Variants in GEMIN6 observed in about 807,000 individuals in gnomAD.
GEMIN6 encodes the protein gem nuclear organelle associated protein 6, also known as gem-associated protein 6.
GEMIN6 carries 13 observed loss-of-function variants against 14.1 expected under a neutral mutation model. The observed-to-expected ratio is 0.92, with a 90% CI of 0.60 to 1.46. The LOEUF is 1.46. Ranked by LOEUF, GEMIN6 falls within the 40% of genes most tolerant of loss-of-function variation. The pLI is 0.00. For missense variants in GEMIN6, 271 were observed against 202.4 expected (o/e 1.34, Z -2.06); for synonymous variants, 87 against 70.0 (o/e 1.24, Z -1.21).
At chr2:38,780,298 T>C (rs13019000) in intron 2 of GEMIN6, among the ~76,000 whole-genome samples, 138,941 of 149,924 alleles carry the variant, frequency 0.93, 65,274 homozygotes, top group East Asian at 1. Context: ...CTAGCCTGGA[T>C]GACAGAGCAA....
At chr2:38,779,656 A>ATTTTTTTTTTT (rs1300414840) in intron 2 of GEMIN6, among the ~76,000 whole-genome samples, 1 of 26,912 alleles carries the variant, frequency 3.7e-5, no homozygotes, top group Non-Finnish European at 9.4e-5. Flanking sequence ...ATATATATAT[A>ATTTTTTTTTTT]TATATATATT....
In GEMIN6 at chr2:38,781,944, C is replaced by T. The variant is rs762361715; in HGVS notation, c.*52C>T. The T allele has an allele frequency of 1.7e-5, 25 of 1,484,286 alleles. No individual in the cohort carries two copies. Among genetic ancestry groups the T allele is most frequent in the East Asian group, 4.5e-5 (2 of 44,018 alleles). 91.9% of individuals were successfully genotyped at this position (1,484,286 alleles called of 1,614,324 possible). A position where few individuals can be genotyped will look rare whatever the true frequency, so the allele number is the denominator to read the frequency against. ...TAGAAAAAGACTATATTTTATCCCTCATAAAATGTTTTAAATGTAAATGTA... is the reference window on the plus strand; with the variant it reads ...TAGAAAAAGACTATATTTTATCCCTTATAAAATGTTTTAAATGTAAATGTA... On this transcript the variant is annotated 3_prime_UTR_variant, in exon 3 of 3. Transcript: ENST00000281950.
In GEMIN6 at chr2:38,782,268, C is replaced by G. The variant is rs751116170; in HGVS notation, c.*376C>G. On this transcript the variant is annotated 3_prime_UTR_variant, in exon 3 of 3. Coordinates refer to ENST00000281950, the MANE Select transcript of GEMIN6 (RefSeq NM_024775.10). ...AACCGATTCCCCTGCCTCAGCCTCT[C>G]GAGTAGCTGGGACTACAGGTGCACG... The G allele has an allele frequency of 2.6e-4, 44 of 166,126 alleles. No individual in the cohort carries two copies. Among genetic ancestry groups the G allele is most frequent in the Non-Finnish European group, 4.7e-4 (36 of 77,412 alleles). The allele number at this position is 166,126 out of a possible 1,614,324, so 10.3% of individuals were successfully genotyped here.
intron 1 of GEMIN6, 84 bp from the exon 2 acceptor site, chr2:38,778,888 C>T (rs1669010745): frequency 1.7e-6 from 2 of 1,194,686 alleles, no homozygotes; most frequent in Non-Finnish European, 2.3e-6. Context: ...CAGATGTTCT[C>T]TGTCTCTAGG....
At chr2:38,779,230 A>G (rs746673395) in intron 2 of GEMIN6, 112 bp downstream of exon 2, 8 of 1,194,264 alleles carry the variant, frequency 6.7e-6, no homozygotes, top group Non-Finnish European at 4.7e-6. Flanking sequence ...ATATTTTCAT[A>G]TAAGAATTTT....
intron 2 of GEMIN6, among the ~76,000 whole-genome samples, chr2:38,780,349 T>TTAAA (rs1669052404): frequency 1.3e-5 from 2 of 151,738 alleles, no homozygotes; most frequent in Non-Finnish European, 2.9e-5. Context: ...GATAAGGACT[T>TTAAA]TAAATAAATG....
intron 2 of GEMIN6, chr2:38,779,461 T>G (rs3112201): frequency 0.95 from 263,222 of 276,282 alleles, 126,879 homozygotes; most frequent in East Asian, 1. Context: ...AAACTCCTGA[T>G]CTCCAAGGAT....
intron 2 of GEMIN6, among the ~76,000 whole-genome samples, chr2:38,779,636 C>CTATATATATATATATATATATATATATA (rs1171290307): frequency 8.3e-5 from 3 of 36,074 alleles, no homozygotes; most frequent in African/African-American, 2.1e-4. Flanking sequence ...ATTATTCTTA[C>CTATATATATATATATATATATATATATA]TATATATATA....
intron 2 of GEMIN6, among the ~76,000 whole-genome samples, chr2:38,779,664 ATTTTTTTTTTTT>A (rs1166903482): frequency 6.7e-4 from 14 of 20,776 alleles, no homozygotes; most frequent in African/African-American, 2.4e-3. Context: ...ATATATATAT[ATTTTTTTTTTTT>A]TTTTTTTTTT....
rs778152904 is a variant in GEMIN6 at position 38,781,719 on chromosome 2, G to C, written c.331G>C (p.Glu111Gln). The C allele has an allele frequency of 1.9e-6, 3 of 1,614,194 alleles. No individual in the cohort carries two copies. The highest frequency in any genetic ancestry group is 1.7e-5 in the Admixed American group (1 of 60,002). ...ERKNSLKKWL[E>Q]KNHIPITEQG... is the part of the protein sequence containing the mutation. Reference sequence around the variant, plus strand: ...AAAGAACAGCCTAAAGAAATGGCTTGAGAAGAACCACATCCCCATCACTGA... The same window carrying C: ...AAAGAACAGCCTAAAGAAATGGCTTCAGAAGAACCACATCCCCATCACTGA... The change falls in exon 3 of 3, where the codon GAG becomes CAG. Residue 111 changes from glutamate to glutamine, a missense_variant. Glu to Gln is a conservative substitution (Grantham distance 29, BLOSUM62 2). Transcript: ENST00000281950.
Position 38,782,511 on chromosome 2 carries a change from C to G in GEMIN6, c.*619C>G, listed in dbSNP as rs985478156. Reference sequence around the variant, plus strand: ...ATGTGTCTGTTTTTAAAAGATGTGTCTTGGTGGGGCGCGGTGGCTCACGCC... The same window carrying G: ...ATGTGTCTGTTTTTAAAAGATGTGTGTTGGTGGGGCGCGGTGGCTCACGCC... On this transcript the variant is annotated 3_prime_UTR_variant, in exon 3 of 3. Transcript: ENST00000281950. The G allele has an allele frequency of 3.9e-5, 6 of 152,028 alleles. No homozygotes were observed. Among genetic ancestry groups the G allele is most frequent in the Admixed American group, 3.9e-4 (6 of 15,226 alleles). 9.4% of individuals were successfully genotyped at this position (152,028 alleles called of 1,614,324 possible).
intron 2 of GEMIN6, among the ~76,000 whole-genome samples, chr2:38,781,078 C>G (rs1669074728): frequency 6.6e-6 from 1 of 151,350 alleles, no homozygotes; most frequent in Non-Finnish European, 1.5e-5. Context: ...AAGCAATTCT[C>G]TGCCTCTGCC....
intron 1 of GEMIN6, 107 bp from the exon 2 acceptor site, chr2:38,778,865 T>C (rs1333809841): frequency 5.4e-6 from 5 of 924,068 alleles, no homozygotes; most frequent in Non-Finnish European, 8.1e-6. Context: ...TATTACGAAC[T>C]TGAGGCAAAT....
chr2:38,779,356 G>C (rs768914079), intron 2 of GEMIN6: 2 of 417,162 alleles, frequency 4.8e-6, no homozygotes, highest in African/African-American at 2.1e-5. Context: ...TTAGCCTCCC[G>C]AGTAGCTGGG....
Position 38,782,143 on chromosome 2 carries a change from T to G in GEMIN6, c.*251T>G. The G allele has an allele frequency of 2.7e-6, 1 of 369,406 alleles. No homozygotes were observed. Among genetic ancestry groups the G allele is most frequent in the Admixed American group, 4.4e-5 (1 of 22,954 alleles). The allele number at this position is 369,406 out of a possible 1,614,324, so 22.9% of individuals were successfully genotyped here. On this transcript the variant is annotated 3_prime_UTR_variant, in exon 3 of 3. Coordinates refer to ENST00000281950, the MANE Select transcript of GEMIN6 (RefSeq NM_024775.10). ...TCAGAATTGTATGGGTCTTCTTTTT[T>G]CTTTTTTTCTTTTTTTTTTGAGATG...
At chr2:38,780,962 C>G (rs1415078156) in intron 2 of GEMIN6, among the ~76,000 whole-genome samples, 2 of 136,842 alleles carry the variant, frequency 1.5e-5, no homozygotes, top group African/African-American at 5.3e-5. Flanking sequence ...AAAGTTAAGT[C>G]TACCCTGCCT....
At position 38,780,148 on chromosome 2, in the gene GEMIN6, C is replaced by A. The variant is rs1669046288; in HGVS notation, c.128+1030C>A. Reference sequence around the variant, plus strand: ...CCTGGCTAACATGGTGAAACCCCGTCTCTACTGAAAATACAAAAAAAATTA... The same window carrying A: ...CCTGGCTAACATGGTGAAACCCCGTATCTACTGAAAATACAAAAAAAATTA... On this transcript the variant is annotated intron_variant, in intron 2 of 2. Transcript: ENST00000281950. 1.3e-5 allele frequency among the ~76,000 whole-genome samples: 2 copies of A among 151,062 alleles called. 1 individual carries two copies. The highest frequency in any genetic ancestry group is 4.2e-4 in the South Asian group (2 of 4,762).
At chr2:38,779,252 A>G (rs1381345578) in intron 2 of GEMIN6, 134 bp downstream of exon 2, 6 of 965,228 alleles carry the variant, frequency 6.2e-6, no homozygotes, top group Non-Finnish European at 9.2e-6. Context: ...TGTTTGTTTG[A>G]GACAGGGTTC....
chr2:38,781,560 A>C lies in GEMIN6; in HGVS notation c.172A>C (p.Thr58Pro). 1 of 1,613,830 alleles carries C rather than the reference A, an allele frequency of 6.2e-7. No individual in the cohort carries two copies. The highest frequency in any genetic ancestry group is 8.5e-7 in the Non-Finnish European group (1 of 1,179,940). ...NFLEDGSMSVTGIMGHAVQTV... is the reference protein window; with the variant it reads ...NFLEDGSMSVPGIMGHAVQTV... ...CCTTGAAGATGGCAGCATGTCTGTG[A>C]CCGGAATTATGGGACATGCTGTGCA... The change falls in exon 3 of 3, where the codon ACC (threonine) becomes CCC (proline). Residue 58 changes from threonine (T) to proline (P), a missense_variant. Thr to Pro is a conservative substitution (Grantham distance 38). Transcript: ENST00000281950.
Sources: gnomAD v4.1 joint callset for allele counts (sites outside exome capture counted in the v4.1 genomes callset) on GRCh38, gnomAD v4.1.1 for gene constraint, MANE v1.5 for transcripts, NCBI Gene and HGNC (gene_info 2026-07-23, HGNC 2026-07-21) for gene names.